Variants in RBPMS observed in about 807,000 individuals in gnomAD.
RBPMS encodes RNA-binding protein with multiple splicing.
A neutral mutation model predicts 26.8 loss-of-function variants in RBPMS; 7 were observed. The observed-to-expected ratio is 0.26, with a 90% confidence interval of 0.15 to 0.49. The LOEUF (loss-of-function observed/expected upper bound fraction) is 0.49, where lower values mean the gene tolerates loss of function less well. RBPMS is among the 20% of genes least tolerant of loss of function. The probability of loss-of-function intolerance (pLI) is 0.98; values close to 1 mark genes in which losing one functional copy is unlikely to be tolerated. For synonymous variants in RBPMS, 96 were observed against 93.3 expected (o/e 1.03, Z -0.17); for missense variants, 186 against 250.0 (o/e 0.74, Z 1.73).
intron 6 of RBPMS, chr8:30,556,267 C>T: frequency 1.0e-6 from 1 of 985,456 alleles, no homozygotes. Flanking sequence ...CTCCCCTGGA[C>T]CCCACAGCTC....
At chr8:30,417,963 G>GT (rs1485068354) in intron 1 of RBPMS, among the ~76,000 whole-genome samples, 1 of 152,246 alleles carries the variant, frequency 6.6e-6, no homozygotes, top group Admixed American at 6.5e-5. Context: ...GTTGATATGT[G>GT]TTACCATACG....
rs563691230 is a variant in RBPMS at position 30,499,499 on chromosome 8, G to A, written c.247-4787G>A. Among the ~76,000 whole-genome samples, 14 of 152,104 alleles carry A rather than the reference G, an allele frequency of 9.2e-5. No individual in the cohort carries two copies. The South Asian group carries it at 1.5e-3, about 16-fold the overall frequency. ...CAAATGATCAAAGCTAATATCACTC[G>A]TAATGGGACAAAAGTGACATCATGT... On this transcript the variant is annotated intron_variant, in intron 4 of 8. Transcript: ENST00000397323.
chr8:30,539,626 ATCTTT>A (rs1229984702), intron 5 of RBPMS, among the ~76,000 whole-genome samples: 2 of 147,650 alleles, frequency 1.4e-5, no homozygotes, highest in Admixed American at 1.4e-4. Context: ...TTTTTAAAAA[ATCTTT>A]TCTTTTTTTT....
chr8:30,553,125 C>A (rs1826535515), intron 6 of RBPMS: 1 of 152,242 alleles, frequency 6.6e-6, no homozygotes, highest in South Asian at 2.1e-4. Context: ...TAGGCAAGGA[C>A]TATTAGGTGC....
chr8:30,433,399 T>G (rs1563313943), intron 1 of RBPMS, among the ~76,000 whole-genome samples: 1 of 152,224 alleles, frequency 6.6e-6, no homozygotes, highest in Non-Finnish European at 1.5e-5. Context: ...TCATATGTAG[T>G]TTGGAGTAAT....
chr8:30,566,369 C>G lies in RBPMS; in HGVS notation c.*111+9C>G, dbSNP rs530805617. The G allele has an allele frequency of 1.1e-4, 101 of 888,380 alleles. No homozygotes were observed. The South Asian group carries it at 1.8e-3, about 16-fold the overall frequency. The allele number at this position is 888,380 out of a possible 1,614,324, so 55.0% of individuals were successfully genotyped here. A position where few individuals can be genotyped will look rare whatever the true frequency, so the allele number is the denominator to read the frequency against. On this transcript the variant is annotated intron_variant, in intron 8 of 8. Transcript: ENST00000397323. The stretch of plus-strand genomic sequence containing the variant: ...AAAACTGGAGCATGCTGGTGAGTAA[C>G]AGTCAGGGCTGAACAAGCCCTCAGG...
intron 1 of RBPMS, among the ~76,000 whole-genome samples, chr8:30,430,410 G>C (rs1811807328): frequency 6.6e-6 from 1 of 152,298 alleles, no homozygotes; most frequent in South Asian, 2.1e-4. Context: ...TGACAGCGAA[G>C]AAGAGGCTTC....
At chr8:30,469,622 T>C (rs759838343) in intron 1 of RBPMS, among the ~76,000 whole-genome samples, 1 of 152,248 alleles carries the variant, frequency 6.6e-6, no homozygotes, top group Non-Finnish European at 1.5e-5. Context: ...TGTACTTGTC[T>C]AAGAAATATG....
At chr8:30,425,870 A>AG (rs1811297083) in intron 1 of RBPMS, among the ~76,000 whole-genome samples, 1 of 152,186 alleles carries the variant, frequency 6.6e-6, no homozygotes, top group Non-Finnish European at 1.5e-5. Flanking sequence ...GGGTAAAAAA[A>AG]CAGCAGAGAG....
chr8:30,530,652 G>C (rs1379414147), intron 5 of RBPMS, among the ~76,000 whole-genome samples: 1 of 152,026 alleles, frequency 6.6e-6, no homozygotes, highest in Non-Finnish European at 1.5e-5. Flanking sequence ...AGTAGAGACG[G>C]GGTTTCTCCA....
At chr8:30,431,019 G>A (rs990231364) in intron 1 of RBPMS, among the ~76,000 whole-genome samples, 4 of 152,116 alleles carry the variant, frequency 2.6e-5, no homozygotes, top group Admixed American at 1.3e-4. Context: ...TGTATGAAGC[G>A]GTTTTCAGAT....
At chr8:30,431,704 G>A (rs1052992989) in intron 1 of RBPMS, among the ~76,000 whole-genome samples, 2 of 152,024 alleles carry the variant, frequency 1.3e-5, no homozygotes, top group African/African-American at 4.8e-5. Context: ...GGCCTGCCTC[G>A]TCCTCCCAAA....
At chr8:30,540,736 G>A (rs1483562631) in intron 5 of RBPMS, among the ~76,000 whole-genome samples, 1 of 152,198 alleles carries the variant, frequency 6.6e-6, no homozygotes, top group African/African-American at 2.4e-5. Flanking sequence ...GCCAAACTGT[G>A]TATTTTTAAA....
chr8:30,482,023 C>G (rs1818332674), intron 4 of RBPMS, among the ~76,000 whole-genome samples: 1 of 152,166 alleles, frequency 6.6e-6, no homozygotes, highest in African/African-American at 2.4e-5. Flanking sequence ...TGCATTTTTC[C>G]TTGTGGCAGT....
Position 30,472,727 on chromosome 8 carries a change from G to T in RBPMS, c.67-2052G>T, listed in dbSNP as rs566823368. Among the ~76,000 whole-genome samples the T allele has an allele frequency of 2.0e-5, 3 of 152,210 alleles. No individual in the cohort carries two copies. The South Asian group carries it at 6.2e-4, about 32-fold the overall frequency. The stretch of plus-strand genomic sequence containing the variant: ...GTGTACTGTGCTGGGTCAATAAAAG[G>T]GCCTTGCTTGGTGATTCGCACTTCT... On this transcript the variant is annotated intron_variant, in intron 1 of 8. Coordinates refer to ENST00000397323, the MANE Select transcript of RBPMS (RefSeq NM_001008710.3).
intron 6 of RBPMS, chr8:30,549,686 G>A: frequency 1.2e-6 from 1 of 821,192 alleles, no homozygotes; most frequent in Non-Finnish European, 2.1e-6. Context: ...GTGAGAGTGG[G>A]CTGGGTCTCC....
At chr8:30,437,426 A>G (rs13250272) in intron 1 of RBPMS, among the ~76,000 whole-genome samples, 121,282 of 150,880 alleles carry the variant, frequency 0.8, 49,131 homozygotes, top group African/African-American at 0.91. Context: ...AGGCTGAGGC[A>G]ACAGGATCAT....
At chr8:30,442,056 G>A (rs528155962) in intron 1 of RBPMS, among the ~76,000 whole-genome samples, 1 of 152,220 alleles carries the variant, frequency 6.6e-6, no homozygotes, top group East Asian at 1.9e-4. Flanking sequence ...CCCAAGTGCT[G>A]GGATTACAGG....
chr8:30,507,985 G>A (rs993269491), intron 5 of RBPMS, among the ~76,000 whole-genome samples: 2 of 152,176 alleles, frequency 1.3e-5, no homozygotes, highest in Non-Finnish European at 2.9e-5. Context: ...TGGCTGAATA[G>A]TGTCCCCCAG....
Sources: gnomAD v4.1 joint callset for allele counts (sites outside exome capture counted in the v4.1 genomes callset) on GRCh38, gnomAD v4.1.1 for gene constraint, MANE v1.5 for transcripts, NCBI Gene and HGNC (gene_info 2026-07-23, HGNC 2026-07-21) for gene names.